The following MAN1A2 variants were observed in gnomAD, a reference collection of about 807,000 sequenced individuals.
The protein encoded by MAN1A2 is mannosyl-oligosaccharide 1,2-alpha-mannosidase IB.
In MAN1A2, 26 loss-of-function variants were observed where a neutral mutation model predicts 75.7. The ratio of observed to expected loss-of-function variants is 0.34; its 90% CI spans 0.25 to 0.48. MAN1A2 has a LOEUF of 0.48. Among genes scored for constraint, MAN1A2 ranks in the 20% least tolerant of loss-of-function variants. MAN1A2 has a pLI of 0.99. For missense variants in MAN1A2, 562 were observed against 775.5 expected, an observed-to-expected ratio of 0.72 and a Z score of 3.27; for synonymous variants, 247 against 264.6, an observed-to-expected ratio of 0.93 and a Z score of 0.65.
chr1:117,458,409 T>G (rs78765646), intron 6 of MAN1A2, among the ~76,000 whole-genome samples: 21,064 of 149,938 alleles, frequency 0.14, 1,701 homozygotes, highest in South Asian at 0.21. Flanking sequence ...TTCTTACATC[T>G]ATTTTAATGT....
chr1:117,442,941 A>G (rs1416617796), intron 6 of MAN1A2, among the ~76,000 whole-genome samples: 1 of 152,170 alleles, frequency 6.6e-6, no homozygotes, highest in Non-Finnish European at 1.5e-5. Flanking sequence ...TTTTCTTTGG[A>G]CAACTTTATA....
chr1:117,417,478 C>T (rs1276955683), intron 4 of MAN1A2, among the ~76,000 whole-genome samples: 2 of 140,784 alleles, frequency 1.4e-5, no homozygotes, highest in African/African-American at 5.3e-5. Flanking sequence ...TTTCCCTCTA[C>T]TAGTTTAACA....
chr1:117,381,140 T>C (rs1249302355), intron 1 of MAN1A2, among the ~76,000 whole-genome samples: 1 of 152,176 alleles, frequency 6.6e-6, no homozygotes, highest in Non-Finnish European at 1.5e-5. Context: ...ATTGTTCTCT[T>C]AATTTTCTTT....
intron 5 of MAN1A2, among the ~76,000 whole-genome samples, chr1:117,433,766 TACTG>T (rs1452789457): frequency 6.6e-6 from 1 of 152,224 alleles, no homozygotes; most frequent in Non-Finnish European, 1.5e-5. Flanking sequence ...GTCCCACTGA[TACTG>T]AATACTGTCC....
intron 2 of MAN1A2, among the ~76,000 whole-genome samples, chr1:117,404,972 G>A (rs531202045): frequency 2.6e-5 from 4 of 152,242 alleles, no homozygotes; most frequent in South Asian, 2.1e-4. Flanking sequence ...GTGTGAACCC[G>A]GGAGGTGGAG....
chr1:117,460,422 T>G, intron 6 of MAN1A2, 67 bp from the exon 7 acceptor site: 1 of 1,088,996 alleles, frequency 9.2e-7, no homozygotes, highest in Non-Finnish European at 1.3e-6. Context: ...AATTTACATA[T>G]TCATTAAACG....
intron 3 of MAN1A2, among the ~76,000 whole-genome samples, chr1:117,413,710 G>A (rs1647894719): frequency 6.6e-6 from 1 of 151,930 alleles, no homozygotes; most frequent in Non-Finnish European, 1.5e-5. Context: ...GTAAATTCAT[G>A]TTGTTGAAGA....
chr1:117,427,135 G>T (rs1475474886), intron 5 of MAN1A2, among the ~76,000 whole-genome samples: 1 of 148,536 alleles, frequency 6.7e-6, no homozygotes, highest in African/African-American at 2.5e-5. Context: ...CTCAATGTAT[G>T]AAAAAAATAG....
intron 1 of MAN1A2, among the ~76,000 whole-genome samples, chr1:117,389,122 C>T (rs1653636702): frequency 6.6e-6 from 1 of 152,174 alleles, no homozygotes; most frequent in Non-Finnish European, 1.5e-5. Context: ...CAAATCCCAT[C>T]TAAAACAACC....
At chr1:117,458,685 G>T (rs1649711727) in intron 6 of MAN1A2, among the ~76,000 whole-genome samples, 1 of 151,428 alleles carries the variant, frequency 6.6e-6, no homozygotes, top group South Asian at 2.1e-4. Flanking sequence ...ACCATGTCCG[G>T]CTAAGTTTTT....
At chr1:117,505,186 T>A (rs1299421991) in intron 12 of MAN1A2, among the ~76,000 whole-genome samples, 2 of 151,496 alleles carry the variant, frequency 1.3e-5, no homozygotes, top group Non-Finnish European at 3.0e-5. Flanking sequence ...CAGGAATGCC[T>A]TTATCCTTTC....
intron 1 of MAN1A2, 71 bp downstream of exon 1, chr1:117,368,556 C>CTT: frequency 1.5e-5 from 19 of 1,228,082 alleles, no homozygotes; most frequent in Non-Finnish European, 1.9e-5. Context: ...TCGAATCTGT[C>CTT]TTTTTTTTTT....
intron 7 of MAN1A2, among the ~76,000 whole-genome samples, chr1:117,461,250 T>C (rs1390932271): frequency 2.0e-5 from 3 of 152,158 alleles, no homozygotes; most frequent in Admixed American, 2.0e-4. Context: ...TTTGCAGCAA[T>C]ATGGATGGAA....
chr1:117,432,665 G>C (rs1330749984), intron 5 of MAN1A2, among the ~76,000 whole-genome samples: 1 of 152,048 alleles, frequency 6.6e-6, no homozygotes, highest in Non-Finnish European at 1.5e-5. Context: ...GGCTTTATTG[G>C]TGAATTATAT....
chr1:117,379,082 T>C (rs1174885314), intron 1 of MAN1A2, among the ~76,000 whole-genome samples: 4 of 152,152 alleles, frequency 2.6e-5, no homozygotes, highest in Admixed American at 2.6e-4. Context: ...AAGTAACAGT[T>C]TCCTGTATTT....
intron 6 of MAN1A2, among the ~76,000 whole-genome samples, chr1:117,445,126 A>G (rs1269936059): frequency 3.3e-5 from 5 of 152,152 alleles, no homozygotes; most frequent in Non-Finnish European, 5.9e-5. Context: ...GGAGATAATC[A>G]TAAGGTTTTT....
At chr1:117,499,280 C>G in intron 10 of MAN1A2, 102 bp from the exon 11 acceptor site, 2 of 832,676 alleles carry the variant, frequency 2.4e-6, no homozygotes, top group Non-Finnish European at 3.4e-6. Flanking sequence ...AAATAAACAA[C>G]AAAAATTACT....
At chr1:117,390,243 C>T (rs1653672788) in intron 1 of MAN1A2, among the ~76,000 whole-genome samples, 1 of 152,008 alleles carries the variant, frequency 6.6e-6, no homozygotes, top group Non-Finnish European at 1.5e-5. Flanking sequence ...TAGAATTCGT[C>T]AGTGAAATAA....
At chr1:117,394,081 G>GT (rs201158909) in intron 1 of MAN1A2, among the ~76,000 whole-genome samples, 11,349 of 150,362 alleles carry the variant, frequency 0.075, 476 homozygotes, top group Middle Eastern at 0.15. Flanking sequence ...AAGACAGTGG[G>GT]TTTCCTTTTT....
Sources: gnomAD v4.1 joint callset for allele counts (sites outside exome capture counted in the v4.1 genomes callset) on GRCh38, gnomAD v4.1.1 for gene constraint, MANE v1.5 for transcripts, NCBI Gene and HGNC (gene_info 2026-07-23, HGNC 2026-07-21) for gene names.